Variants in ROBO2 observed in about 807,000 individuals in gnomAD.
The protein encoded by ROBO2 is roundabout guidance receptor 2, also known as roundabout homolog 2.
A neutral mutation model predicts 160.8 loss-of-function variants in ROBO2; 53 were observed. The observed-to-expected ratio is 0.33, with a 90% CI of 0.26 to 0.41. The LOEUF (loss-of-function observed/expected upper bound fraction) is 0.41. ROBO2 is among the 10% of genes least tolerant of loss of function. ROBO2 has a pLI of 1.00. For missense variants in ROBO2, 1,577 were observed against 1,722.4 expected (o/e 0.92, Z 1.49); for synonymous variants, 664 against 611.7 (o/e 1.09, Z -1.26).
chr3:77,291,223 G>T (rs376065442), intron 2 of ROBO2, among the ~76,000 whole-genome samples: 81 of 138,554 alleles, frequency 5.8e-4, no homozygotes, highest in Non-Finnish European at 1.0e-3. Context: ...TGAGGCTAGA[G>T]CACTAAAGAC....
intron 4 of ROBO2, among the ~76,000 whole-genome samples, chr3:77,491,429 C>T (rs537066191): frequency 1.3e-5 from 2 of 152,114 alleles, no homozygotes; most frequent in Non-Finnish European, 2.9e-5. Context: ...CAGAAGAAGT[C>T]GATCCCGCTT....
chr3:77,131,720 T>C (rs534563599), intron 2 of ROBO2, among the ~76,000 whole-genome samples: 31 of 152,304 alleles, frequency 2.0e-4, no homozygotes, highest in African/African-American at 7.5e-4. Context: ...GTGTCTAGCA[T>C]AGTTATCAAT....
chr3:77,448,233 C>T (rs2080762005), intron 2 of ROBO2, among the ~76,000 whole-genome samples: 1 of 152,084 alleles, frequency 6.6e-6, no homozygotes, highest in Admixed American at 6.6e-5. Context: ...CTGATGTCCC[C>T]ATGTGAAGTA....
chr3:77,079,222 C>T (rs1288774019), intron 1 of ROBO2, among the ~76,000 whole-genome samples: 1 of 152,184 alleles, frequency 6.6e-6, no homozygotes, highest in East Asian at 1.9e-4. Flanking sequence ...GCTGGGATTA[C>T]ACGCGTGAGC....
At chr3:76,404,778 G>C (rs895043704) in intron 2 of ROBO2, among the ~76,000 whole-genome samples, 7 of 151,564 alleles carry the variant, frequency 4.6e-5, no homozygotes, top group African/African-American at 1.7e-4. Context: ...ATCCAAGACA[G>C]TGCTAAGCTT....
At chr3:76,897,661 T>C (rs2148854067) in intron 2 of ROBO2, among the ~76,000 whole-genome samples, 2 of 152,202 alleles carry the variant, frequency 1.3e-5, no homozygotes, top group Middle Eastern at 6.8e-3. Context: ...TGAATGTATG[T>C]TCTGTTTACT....
chr3:76,417,160 A>G (rs1256032717), intron 2 of ROBO2, among the ~76,000 whole-genome samples: 1 of 152,198 alleles, frequency 6.6e-6, no homozygotes, highest in Non-Finnish European at 1.5e-5. Flanking sequence ...TGTTATCTGG[A>G]ATGGGTGTAG....
rs55691222 is a variant in ROBO2, at chr3:76,141,060, C to CATATATATATAT, written c.109+203464_109+203475dup. ...ACACACACAGATGTCTTTTTACATA[C>CATATATATATAT]ATATATATATATATATAAAATATAT... On this transcript the variant is annotated intron_variant, in intron 2 of 26. Coordinates refer to the ROBO2 transcript ENST00000487694. 3.4e-3 allele frequency among the ~76,000 whole-genome samples: 183 copies of CATATATATATAT among 53,586 alleles called. 11 individuals are homozygous for CATATATATATAT. The highest frequency in any genetic ancestry group is 7.0e-3 in the East Asian group (9 of 1,282). The allele number at this position is 53,586 out of a possible 152,430, so 35.2% of individuals were successfully genotyped here. A position where few individuals can be genotyped will look rare whatever the true frequency, so the allele number is the denominator to read the frequency against.
At chr3:77,157,578 G>T (rs889731448) in intron 2 of ROBO2, among the ~76,000 whole-genome samples, 5 of 152,066 alleles carry the variant, frequency 3.3e-5, no homozygotes, top group Admixed American at 6.6e-5. Flanking sequence ...AAGGCTGTTG[G>T]AGTCCATGGG....
chr3:76,909,663 C>G (rs2075843244), intron 2 of ROBO2, among the ~76,000 whole-genome samples: 1 of 152,172 alleles, frequency 6.6e-6, no homozygotes, highest in Admixed American at 6.6e-5. Flanking sequence ...TTTAAATTGA[C>G]ATTTTAACCT....
intron 2 of ROBO2, among the ~76,000 whole-genome samples, chr3:76,094,225 A>T (rs764655928): frequency 1.3e-5 from 2 of 152,166 alleles, no homozygotes; most frequent in Admixed American, 1.3e-4. Flanking sequence ...TTCTCAAAAT[A>T]ATCAATTCTG....
chr3:77,161,730 G>A (rs989124774), intron 2 of ROBO2, among the ~76,000 whole-genome samples: 8 of 143,958 alleles, frequency 5.6e-5, no homozygotes, highest in African/African-American at 2.2e-4. Context: ...CTGAAAATAC[G>A]TTTTTTTTTT....
intron 2 of ROBO2, among the ~76,000 whole-genome samples, chr3:76,902,216 CATAAT>C (rs947564361): frequency 1.3e-5 from 2 of 152,014 alleles, no homozygotes; most frequent in Middle Eastern, 3.4e-3. Context: ...CTTCAATACT[CATAAT>C]GTAATAAATA....
chr3:76,995,164 T>C (rs1308786046), intron 2 of ROBO2, among the ~76,000 whole-genome samples: 1 of 148,024 alleles, frequency 6.8e-6, no homozygotes, highest in Non-Finnish European at 1.5e-5. Context: ...GTGTTCTCAT[T>C]GTTCAATTCC....
At chr3:77,597,503 A>G (rs570637783) in intron 19 of ROBO2, among the ~76,000 whole-genome samples, 1 of 152,194 alleles carries the variant, frequency 6.6e-6, no homozygotes, top group East Asian at 1.9e-4. Flanking sequence ...GAATGATGAG[A>G]GGAGTAGGGA....
intron 24 of ROBO2, among the ~76,000 whole-genome samples, chr3:77,636,533 G>A (rs867357603): frequency 4.0e-5 from 6 of 151,768 alleles, no homozygotes; most frequent in African/African-American, 1.2e-4. Flanking sequence ...CAGAGGTTGC[G>A]GTGAGCTGAG....
chr3:76,423,088 T>C (rs2076061324), intron 2 of ROBO2, among the ~76,000 whole-genome samples: 1 of 152,178 alleles, frequency 6.6e-6, no homozygotes, highest in African/African-American at 2.4e-5. Context: ...AAAGGCATGA[T>C]GGCAAGTGCA....
In ROBO2 at chr3:76,337,683, G is replaced by A. The variant is rs568526378; in HGVS notation, c.109+400081G>A. ...GCAATAAAGGAACTGAAGAATAGAGGTGTGAAAGAAAATCTGATACTTATT... is the reference window on the plus strand; with the variant it reads ...GCAATAAAGGAACTGAAGAATAGAGATGTGAAAGAAAATCTGATACTTATT... On this transcript the variant is annotated intron_variant, in intron 2 of 26. Coordinates refer to the ROBO2 transcript ENST00000487694. Among the ~76,000 whole-genome samples the A allele has an allele frequency of 1.3e-4, 20 of 152,224 alleles. No homozygotes were observed. The East Asian group carries it at 3.9e-3, about 29-fold the overall frequency.
chr3:77,108,531 G>A (rs886555531), intron 2 of ROBO2, among the ~76,000 whole-genome samples: 3 of 152,098 alleles, frequency 2.0e-5, no homozygotes, highest in Non-Finnish European at 2.9e-5. Context: ...TTTCCTAATC[G>A]TTAAGAGTAA....
Sources: gnomAD v4.1 joint callset for allele counts (sites outside exome capture counted in the v4.1 genomes callset) on GRCh38, gnomAD v4.1.1 for gene constraint, MANE v1.5 for transcripts, NCBI Gene and HGNC (gene_info 2026-07-23, HGNC 2026-07-21) for gene names.